AMPD3: variants seen among roughly 807,000 people sequenced by gnomAD.
The protein encoded by AMPD3 is adenosine monophosphate deaminase 3.
Under a neutral mutation model 82.3 loss-of-function variants are expected in AMPD3, and 57 were observed. The ratio of observed to expected loss-of-function variants is 0.69; its 90% CI spans 0.56 to 0.86. The LOEUF is 0.86. Ranked by LOEUF, AMPD3 falls within the 40% of genes least tolerant of loss-of-function variation. The pLI, the probability that AMPD3 is intolerant of heterozygous loss-of-function variation, is 0.00. For missense variants in AMPD3, 870 were observed against 1,003.8 expected (o/e 0.87, Z 1.80); for synonymous variants, 381 against 394.7 (o/e 0.97, Z 0.41).
rs558001407 is a variant in AMPD3, at chr11:10,479,103, G to A, written c.426+373G>A. ...TTAGTAGATTCAAAGCCATGGTACT[G>A]AGTGGTTTGTGTGAAATTAGTTGTT... On this transcript the variant is annotated intron_variant, in intron 3 of 14. Transcript: ENST00000396553. Among the ~76,000 whole-genome samples the A allele has an allele frequency of 3.3e-5, 5 of 152,316 alleles. No individual in the cohort carries two copies. The East Asian group carries it at 9.6e-4, about 29-fold the overall frequency.
At chr11:10,473,428 G>A (rs894053637) in intron 2 of AMPD3, 96 of 985,272 alleles carry the variant, frequency 9.7e-5, no homozygotes, top group Non-Finnish European at 1.1e-4. Flanking sequence ...AGTGGCAGGA[G>A]ATGAGTGGAG....
chr11:10,487,799 G>A (rs1156541572), intron 6 of AMPD3, among the ~76,000 whole-genome samples: 2 of 152,142 alleles, frequency 1.3e-5, no homozygotes, highest in Non-Finnish European at 2.9e-5. Flanking sequence ...CCTTATAAGT[G>A]AGAACATGCG....
Position 10,484,850 on chromosome 11 carries a change from A to G in AMPD3, c.620A>G (p.Asp207Gly). The G allele has an allele frequency of 6.2e-7, 1 of 1,613,884 alleles. No individual in the cohort carries two copies. Among genetic ancestry groups the G allele is most frequent in the Non-Finnish European group, 8.5e-7 (1 of 1,179,968 alleles). Reference protein sequence around the residue: ...DFHPPPLPQEDPYCLDDAPPN... With the variant: ...DFHPPPLPQEGPYCLDDAPPN... ...CACCCTCCTCCACTGCCCCAGGAAG[A>G]CCCCTACTGCCTGGATGATGCACCC... The change falls in exon 5 of 15, where the codon GAC becomes GGC. Residue 207 changes from aspartate (D) to glycine (G), a missense_variant. Coordinates refer to ENST00000396553, the MANE Select transcript of AMPD3 (RefSeq NM_001025389.2).
chr11:10,479,670 T>A (rs1564846332), intron 3 of AMPD3, among the ~76,000 whole-genome samples: 3 of 152,252 alleles, frequency 2.0e-5, no homozygotes, highest in African/African-American at 7.2e-5. Flanking sequence ...CCTACAATTA[T>A]TTATGCATAC....
intron 2 of AMPD3, among the ~76,000 whole-genome samples, chr11:10,470,735 C>G (rs1353779628): frequency 6.6e-6 from 1 of 152,150 alleles, no homozygotes; most frequent in Non-Finnish European, 1.5e-5. Context: ...AATAAAATAG[C>G]TAGGAATCCA....
Position 10,456,416 on chromosome 11 carries a change from C to T in AMPD3, c.-6+968C>T, listed in dbSNP as rs1409038310. 6.2e-7 allele frequency: 1 copy of T among 1,613,798 alleles called. No individual in the cohort carries two copies. Among genetic ancestry groups the T allele is most frequent in the East Asian group, 2.2e-5 (1 of 44,892 alleles). On this transcript the variant is annotated intron_variant, in intron 1 of 14. Coordinates refer to ENST00000396553, the MANE Select transcript of AMPD3 (RefSeq NM_001025389.2). This position sits in a 1 kb window ranked among gnomAD's most constrained non-coding sequence, Gnocchi z 4.3. ...AGCCAGGCTCAGGTCTGTGTCGGGG[C>T]TTCTGCAAGGGGAGTCTGGCAAGAG...
At chr11:10,500,316 TGCACACACAC>T in intron 11 of AMPD3, 67 bp downstream of exon 11, 1 of 1,565,424 alleles carries the variant, frequency 6.4e-7, no homozygotes, top group Non-Finnish European at 8.8e-7. Flanking sequence ...TGCACACACA[TGCACACACAC>T]ATGCATGTGA....
intron 3 of AMPD3, among the ~76,000 whole-genome samples, chr11:10,481,187 C>T (rs1341065755): frequency 6.6e-6 from 1 of 152,146 alleles, no homozygotes; most frequent in African/African-American, 2.4e-5. Flanking sequence ...GCACATAACA[C>T]ATGACAATGG....
chr11:10,493,728 A>T, intron 7 of AMPD3, 185 bp downstream of exon 7: 1 of 737,014 alleles, frequency 1.4e-6, no homozygotes, highest in Non-Finnish European at 2.4e-6. Flanking sequence ...GGGACAGGGA[A>T]AGAGGGTGTG....
Position 10,455,437 on chromosome 11 carries a change from C to T in AMPD3, c.-17C>T. On this transcript the variant is annotated 5_prime_UTR_variant, in exon 1 of 15. Transcript: ENST00000396553. ...TCGGAGCTGGAGGCCCACGTGGGAG[C>T]AGTGAGCGGCTGTAAGCAGGGGAGG... 13 of 983,160 alleles carry T rather than the reference C, an allele frequency of 1.3e-5. No homozygotes were observed. The highest frequency in any genetic ancestry group is 1.6e-5 in the Non-Finnish European group (13 of 828,256). 60.9% of individuals were successfully genotyped at this position (983,160 alleles called of 1,614,324 possible).
chr11:10,459,115 T>A (rs1564837774), intron 1 of AMPD3, among the ~76,000 whole-genome samples: 1 of 152,150 alleles, frequency 6.6e-6, no homozygotes, highest in African/African-American at 2.4e-5. Flanking sequence ...TTCCTCTTCC[T>A]TTTTGCAGAG....
upstream of AMPD3, chr11:10,450,499 G>A: frequency 1.0e-6 from 1 of 985,936 alleles, no homozygotes; most frequent in Non-Finnish European, 1.2e-6. Context: ...AGTTGTGCGG[G>A]GAGGGGAGGA....
chr11:10,494,998 CTG>C lies in AMPD3; in HGVS notation c.1235_1236del (p.Leu412ArgfsTer36). On this transcript the variant is annotated frameshift_variant, in exon 8 of 15. Transcript: ENST00000396553. LOFTEE classifies it high-confidence loss of function. ...RDLYLKTENY[L>X]GGEYFARMVK... ...CCTGTATTTGAAAACTGAAAACTAT[CTG>C]GGAGGAGAGTACTTTGCTCGGATGG... 1 of 1,614,218 alleles carries C rather than the reference CTG, an allele frequency of 6.2e-7. No individual in the cohort carries two copies. The highest frequency in any genetic ancestry group is 8.5e-7 in the Non-Finnish European group (1 of 1,180,022).
intron 2 of AMPD3, among the ~76,000 whole-genome samples, chr11:10,467,494 G>A (rs1848454763): frequency 6.6e-6 from 1 of 152,098 alleles, no homozygotes. Flanking sequence ...AATGAACAAA[G>A]CCTCCAAGAA....
intron 1 of AMPD3, among the ~76,000 whole-genome samples, chr11:10,459,538 A>T (rs923686560): frequency 6.6e-6 from 1 of 152,120 alleles, no homozygotes; most frequent in African/African-American, 2.4e-5. Flanking sequence ...TCCCTGCTGG[A>T]CAGCAGCAGG....
chr11:10,492,902 G>A (rs182549117), intron 6 of AMPD3, among the ~76,000 whole-genome samples: 28 of 152,300 alleles, frequency 1.8e-4, no homozygotes, highest in Admixed American at 1.8e-3. Flanking sequence ...GAAGAAACAC[G>A]TGGGCAAAGG....
chr11:10,495,072 C>T (rs767271290), intron 8 of AMPD3, 42 bp downstream of exon 8: 2 of 1,613,750 alleles, frequency 1.2e-6, no homozygotes, highest in South Asian at 1.1e-5. Context: ...TCAGGTGCCT[C>T]CCAACATCTG....
intron 4 of AMPD3, among the ~76,000 whole-genome samples, chr11:10,483,381 G>T (rs1848970612): frequency 6.6e-6 from 1 of 152,194 alleles, no homozygotes; most frequent in African/African-American, 2.4e-5. Context: ...GTGCCAAGTT[G>T]CCCCAGTCTC....
chr11:10,496,189 A>T, intron 9 of AMPD3: 1 of 980,932 alleles, frequency 1.0e-6, no homozygotes, highest in Non-Finnish European at 1.2e-6. Flanking sequence ...TGCTGGGATT[A>T]CAGGTGTGAG....
Sources: gnomAD v4.1 joint callset for allele counts (sites outside exome capture counted in the v4.1 genomes callset) on GRCh38, gnomAD v4.1.1 for gene constraint, Gnocchi (gnomAD v3.1) non-coding constraint, MANE v1.5 for transcripts, NCBI Gene and HGNC (gene_info 2026-07-23, HGNC 2026-07-21) for gene names.